Variants in SNRPD2 observed in about 807,000 individuals in gnomAD.
SNRPD2 encodes the protein small nuclear ribonucleoprotein Sm D2.
A neutral mutation model predicts 11.5 loss-of-function variants in SNRPD2; 1 was observed. The ratio of observed to expected loss-of-function variants is 0.09; its 90% CI spans 0.03 to 0.41. SNRPD2 has a LOEUF of 0.41. SNRPD2 is among the 10% of genes least tolerant of loss of function. The pLI, the probability that SNRPD2 is intolerant of heterozygous loss-of-function variation, is 0.98. For missense variants in SNRPD2, 77 were observed against 154.9 expected, an observed-to-expected ratio of 0.50 and a Z score of 2.67; for synonymous variants, 63 against 61.5, an observed-to-expected ratio of 1.02 and a Z score of -0.12.
intron 1 of SNRPD2, among the ~76,000 whole-genome samples, chr19:45,690,974 T>C (rs537285728): frequency 1.3e-5 from 2 of 152,250 alleles, no homozygotes; most frequent in African/African-American, 2.4e-5. Flanking sequence ...CACTAATAAA[T>C]GCGCAAAATC....
chr19:45,689,990 T>C (rs1221549392), intron 1 of SNRPD2, among the ~76,000 whole-genome samples: 3 of 148,780 alleles, frequency 2.0e-5, no homozygotes, highest in South Asian at 2.1e-4. Context: ...TGAGCCAAGA[T>C]TGCGCCACTG....
chr19:45,691,423 C>G (rs1290530197), intron 1 of SNRPD2: 2 of 158,696 alleles, frequency 1.3e-5, no homozygotes, highest in Non-Finnish European at 2.8e-5. Context: ...TGAGCCACCG[C>G]GCTCGGCCTC....
rs1021637667 is a variant in SNRPD2 at position 45,688,985 on chromosome 19, G to A, written c.3-419C>T. 1.5e-4 allele frequency among the ~76,000 whole-genome samples: 23 copies of A among 151,920 alleles called. No individual in the cohort carries two copies. Among genetic ancestry groups the A allele is most frequent in the Non-Finnish European group, 2.5e-4 (17 of 67,996 alleles). ...CTTGACCTTGTGATCCACCCGCCTC[G>A]ACCTCCCAAAGTGCTGAGATTATAG... On this transcript the variant is annotated intron_variant, in intron 1 of 2. Coordinates refer to ENST00000342669, the MANE Select transcript of SNRPD2 (RefSeq NM_001384647.1). This position sits in a 1 kb window ranked among gnomAD's most constrained non-coding sequence, Gnocchi z 4.1.
At position 45,687,732 on chromosome 19, in the gene SNRPD2, T is replaced by C; in HGVS notation, c.183-5A>G. ...TCCAGCACCATGTTGCAGTGCCTGG[T>C]GGGGAACAGGGAGGGGAGGCACTGG... On this transcript the variant is annotated splice_region_variant and splice_polypyrimidine_tract_variant and intron_variant, in intron 2 of 2. Transcript: ENST00000342669. This position sits in a 1 kb window ranked among gnomAD's most constrained non-coding sequence, Gnocchi z 4.1. 6.2e-7 allele frequency: 1 copy of C among 1,612,756 alleles called. No individual in the cohort carries two copies. The highest frequency in any genetic ancestry group is 8.5e-7 in the Non-Finnish European group (1 of 1,179,506).
intron 1 of SNRPD2, chr19:45,689,147 C>A (rs906859658): frequency 3.9e-5 from 20 of 516,288 alleles, no homozygotes; most frequent in Non-Finnish European, 7.8e-5. Context: ...CCTTCTAGTT[C>A]TCTGGGCAAA....
At chr19:45,689,435 A>C (rs528229219) in intron 1 of SNRPD2, 9 of 343,518 alleles carry the variant, frequency 2.6e-5, no homozygotes, top group Non-Finnish European at 4.6e-5. Context: ...TAGGAGGTCA[A>C]GGTGGATTGA....
At position 45,688,699 on chromosome 19, in the gene SNRPD2, A is replaced by G. The variant is rs1967468858; in HGVS notation, c.3-133T>C. Reference sequence around the variant, plus strand: ...TCCCACCACATCTGTCCTCCTGTTCAGCCTTCTGAGTATCATCAGCTAGAT... The same window carrying G: ...TCCCACCACATCTGTCCTCCTGTTCGGCCTTCTGAGTATCATCAGCTAGAT... On this transcript the variant is annotated intron_variant, in intron 1 of 2. Transcript: ENST00000342669. The surrounding 1 kb of genome is among the most constrained non-coding windows in gnomAD (Gnocchi z 4.1). 2.9e-6 allele frequency: 2 copies of G among 684,240 alleles called. No individual in the cohort carries two copies. The highest frequency in any genetic ancestry group is 5.1e-6 in the Non-Finnish European group (2 of 389,768). 42.4% of individuals were successfully genotyped at this position (684,240 alleles called of 1,614,324 possible).
intron 1 of SNRPD2, chr19:45,690,590 G>T (rs1281257789): frequency 6.6e-6 from 1 of 152,210 alleles, no homozygotes. Context: ...CCAGCACTTT[G>T]GAAGGTCGAG....
At chr19:45,692,098 A>T, upstream of SNRPD2, 1 of 1,311,290 alleles carries the variant, frequency 7.6e-7, no homozygotes, top group Non-Finnish European at 1.0e-6. Flanking sequence ...GTTCGCGGCC[A>T]GTCAGAACCA....
At chr19:45,689,335 G>C in intron 1 of SNRPD2, 1 of 516,534 alleles carries the variant, frequency 1.9e-6, no homozygotes, top group Non-Finnish European at 3.9e-6. Context: ...GTCTGAGGGG[G>C]TTGTGCTAAA....
upstream of SNRPD2, chr19:45,691,957 G>T: frequency 6.2e-7 from 1 of 1,613,710 alleles, no homozygotes; most frequent in Non-Finnish European, 8.5e-7. Flanking sequence ...GAGAGAGGCG[G>T]GACTTCCTCT....
Position 45,687,840 on chromosome 19 carries a change from G to T in SNRPD2, c.183-113C>A, listed in dbSNP as rs1229743735. The T allele has an allele frequency of 4.6e-6, 4 of 861,004 alleles. No individual in the cohort carries two copies. Among genetic ancestry groups the T allele is most frequent in the African/African-American group, 3.3e-5 (2 of 59,934 alleles). 53.3% of individuals were successfully genotyped at this position (861,004 alleles called of 1,614,324 possible). On this transcript the variant is annotated intron_variant, in intron 2 of 2. Transcript: ENST00000342669. The surrounding 1 kb of genome is among the most constrained non-coding windows in gnomAD (Gnocchi z 4.1). ...CAGCATGGCTTGGGGAAGGGTGCAG[G>T]TGCTAGGCCGGGATGACCAAGCTGC...
chr19:45,691,436 C>G (rs1349644595), intron 1 of SNRPD2: 1 of 160,916 alleles, frequency 6.2e-6, no homozygotes, highest in Non-Finnish European at 1.4e-5. Flanking sequence ...TCGGCCTCCC[C>G]CAGTATTCGT....
intron 1 of SNRPD2, among the ~76,000 whole-genome samples, chr19:45,689,650 T>G (rs765897861): frequency 6.6e-6 from 1 of 152,212 alleles, no homozygotes; most frequent in Non-Finnish European, 1.5e-5. Flanking sequence ...AGTCGGAGGT[T>G]GCAGTGAAGT....
In SNRPD2 at chr19:45,691,932, G is replaced by T; in HGVS notation, c.-44C>A. The T allele has an allele frequency of 5.0e-6, 8 of 1,614,060 alleles. No homozygotes were observed. Among genetic ancestry groups the T allele is most frequent in the Non-Finnish European group, 5.9e-6 (7 of 1,179,930 alleles). On this transcript the variant is annotated 5_prime_UTR_variant, in exon 1 of 3. Coordinates refer to ENST00000342669, the MANE Select transcript of SNRPD2 (RefSeq NM_001384647.1). ...CGTTCACTCCCGTTTCCTCCGCGTT[G>T]CTGCTGCCTGAGGAGAGAGAGGCGG...
chr19:45,689,635 CAG>C (rs2146116017), intron 1 of SNRPD2, among the ~76,000 whole-genome samples: 1 of 152,334 alleles, frequency 6.6e-6, no homozygotes, highest in South Asian at 2.1e-4. Context: ...TGCTTGAACT[CAG>C]AGAGTCGGAG....
chr19:45,687,527 G>T lies in SNRPD2; in HGVS notation c.*26C>A. The T allele has an allele frequency of 1.2e-6, 2 of 1,607,422 alleles. No homozygotes were observed. Among genetic ancestry groups the T allele is most frequent in the Non-Finnish European group, 1.7e-6 (2 of 1,174,148 alleles). ...AGCGGTCTTCATAGGACAGAGGAGT[G>T]AGTTCTGTCAACAGACAGGCGGCCC... On this transcript the variant is annotated 3_prime_UTR_variant, in exon 3 of 3. Coordinates refer to ENST00000342669, the MANE Select transcript of SNRPD2 (RefSeq NM_001384647.1). The surrounding 1 kb of genome is among the most constrained non-coding windows in gnomAD (Gnocchi z 4.1).
At chr19:45,691,793 G>C (rs1967563690) in intron 1 of SNRPD2, 94 bp downstream of exon 1, 1 of 1,423,698 alleles carries the variant, frequency 7.0e-7, no homozygotes, top group Non-Finnish European at 9.9e-7. Flanking sequence ...ATCTGCCCCT[G>C]CCCCCCCCGC....
Position 45,687,462 on chromosome 19 carries a change from G to C in SNRPD2, c.*91C>G. ...AAGGCTCTGGAAACAGATACCACTAGAAAAAAACACAGAGCTTTATTATTC... is the reference window on the plus strand; with the variant it reads ...AAGGCTCTGGAAACAGATACCACTACAAAAAAACACAGAGCTTTATTATTC... On this transcript the variant is annotated 3_prime_UTR_variant, in exon 3 of 3. Coordinates refer to ENST00000342669, the MANE Select transcript of SNRPD2 (RefSeq NM_001384647.1). This position sits in a 1 kb window ranked among gnomAD's most constrained non-coding sequence, Gnocchi z 4.1. 1 of 1,299,940 alleles carries C rather than the reference G, an allele frequency of 7.7e-7. No homozygotes were observed. The highest frequency in any genetic ancestry group is 1.1e-6 in the Non-Finnish European group (1 of 920,748). 80.5% of individuals were successfully genotyped at this position (1,299,940 alleles called of 1,614,324 possible).
Sources: gnomAD v4.1 joint callset for allele counts (sites outside exome capture counted in the v4.1 genomes callset) on GRCh38, gnomAD v4.1.1 for gene constraint, Gnocchi (gnomAD v3.1) non-coding constraint, MANE v1.5 for transcripts, NCBI Gene and HGNC (gene_info 2026-07-23, HGNC 2026-07-21) for gene names.